The following ACTL8 variants were observed in gnomAD, a reference collection of about 807,000 sequenced individuals.
ACTL8 encodes actin-like protein 8.
Under a neutral mutation model 9.3 loss-of-function variants are expected in ACTL8, and 3 were observed. The ratio of observed to expected loss-of-function variants is 0.32; its 90% CI spans 0.15 to 0.83. The LOEUF (loss-of-function observed/expected upper bound fraction) is 0.83. ACTL8 is among the 40% of genes least tolerant of loss of function. The pLI is 0.57. For missense variants in ACTL8, 381 were observed against 492.2 expected (o/e 0.77, Z 2.14); for synonymous variants, 224 against 205.9 (o/e 1.09, Z -0.75).
chr1:17,804,601 C>T (rs1425811303), intron 1 of ACTL8, among the ~76,000 whole-genome samples: 1 of 151,896 alleles, frequency 6.6e-6, no homozygotes, highest in African/African-American at 2.4e-5. Flanking sequence ...CATCTTTGTC[C>T]CCATCTTTTT....
intron 1 of ACTL8, among the ~76,000 whole-genome samples, chr1:17,796,952 C>T (rs1255403326): frequency 6.6e-6 from 1 of 152,224 alleles, no homozygotes; most frequent in African/African-American, 2.4e-5. Context: ...GAAGTCTGCT[C>T]TCTGCTCTGG....
intron 1 of ACTL8, among the ~76,000 whole-genome samples, chr1:17,777,801 C>G (rs1239599895): frequency 1.3e-5 from 2 of 152,164 alleles, no homozygotes; most frequent in African/African-American, 4.8e-5. Context: ...GGAGTTCAAG[C>G]GATTCTTCTG....
intron 1 of ACTL8, among the ~76,000 whole-genome samples, chr1:17,815,944 C>G (rs912503154): frequency 4.4e-4 from 67 of 152,038 alleles, no homozygotes; most frequent in Non-Finnish European, 1.0e-4. Context: ...TGGAGCAGAA[C>G]TTTTCTTTGT....
intron 1 of ACTL8, among the ~76,000 whole-genome samples, chr1:17,762,789 G>A (rs1254469627): frequency 6.6e-6 from 1 of 152,106 alleles, no homozygotes; most frequent in Non-Finnish European, 1.5e-5. Context: ...CTTGTTCCCC[G>A]GTGACTCCTG....
chr1:17,826,027 A>G lies in ACTL8; in HGVS notation c.609A>G (p.Thr203=), dbSNP rs1557450703. The G allele has an allele frequency of 1.9e-6, 3 of 1,606,614 alleles. No homozygotes were observed. The highest frequency in any genetic ancestry group is 2.5e-6 in the Non-Finnish European group (3 of 1,179,974). The part of the protein sequence containing the change: ...CDRRCLFQLE[T]VAVTQMNKCY... Reference sequence around the variant, plus strand: ...GACGCTGCCTGTTTCAGCTGGAGACAGTCGCCGTGACTCAGATGAACAAGT... The same window carrying G: ...GACGCTGCCTGTTTCAGCTGGAGACGGTCGCCGTGACTCAGATGAACAAGT... The change falls in exon 3 of 3, where the codon ACA becomes ACG. Residue 203 remains threonine, a synonymous_variant. Transcript: ENST00000375406. This position sits in a 1 kb window ranked among gnomAD's most constrained non-coding sequence, Gnocchi z 4.5.
chr1:17,789,753 AGAG>A (rs1219807360), intron 1 of ACTL8, among the ~76,000 whole-genome samples: 1 of 152,126 alleles, frequency 6.6e-6, no homozygotes, highest in Non-Finnish European at 1.5e-5. Context: ...GTTTGTGCCT[AGAG>A]GTGGGAGAAA....
rs184589100 is a variant in ACTL8 at position 17,793,022 on chromosome 1, C to T, written c.-24-29963C>T. 1.2e-3 allele frequency among the ~76,000 whole-genome samples: 187 copies of T among 152,282 alleles called. 1 individual carries two copies. Among genetic ancestry groups the T allele is most frequent in the African/African-American group, 4.3e-3 (177 of 41,574 alleles). The stretch of plus-strand genomic sequence containing the variant: ...TGCCCTGGGAGAGAGAAAGCAGGGG[C>T]GGGACAGTTGGTCCCCTCCCATCCA... On this transcript the variant is annotated intron_variant, in intron 1 of 2. Coordinates refer to ENST00000375406, the MANE Select transcript of ACTL8 (RefSeq NM_030812.3).
At chr1:17,760,411 C>A (rs1238064631) in intron 1 of ACTL8, among the ~76,000 whole-genome samples, 1 of 152,136 alleles carries the variant, frequency 6.6e-6, no homozygotes, top group African/African-American at 2.4e-5. Flanking sequence ...ATGGGTTTTT[C>A]ACAGGCGTGC....
rs2066052104 is a variant in ACTL8, at chr1:17,767,376, C to T, written c.-25+11872C>T. Among the ~76,000 whole-genome samples the T allele has an allele frequency of 6.6e-6, 1 of 152,168 alleles. No homozygotes were observed. The highest frequency in any genetic ancestry group is 6.5e-5 in the Admixed American group (1 of 15,280). On this transcript the variant is annotated intron_variant, in intron 1 of 2. Transcript: ENST00000375406. The surrounding 1 kb of genome is among the most constrained non-coding windows in gnomAD (Gnocchi z 4.7). ...CAGTGTGGGGGCCGTCCCTGTGGTACAGGGGTGAGACGATGCTGGCAACTT... is the reference window on the plus strand; with the variant it reads ...CAGTGTGGGGGCCGTCCCTGTGGTATAGGGGTGAGACGATGCTGGCAACTT...
chr1:17,789,950 A>G (rs2066225925), intron 1 of ACTL8, among the ~76,000 whole-genome samples: 2 of 152,218 alleles, frequency 1.3e-5, no homozygotes, highest in Admixed American at 1.3e-4. Context: ...CACTTGGCTC[A>G]TGCCACTGGC....
intron 1 of ACTL8, among the ~76,000 whole-genome samples, chr1:17,804,682 A>C (rs898849376): frequency 2.7e-5 from 4 of 150,572 alleles, no homozygotes; most frequent in African/African-American, 9.8e-5. Flanking sequence ...ATCTCGGCTC[A>C]CTGCAACCTC....
rs146680452 is a variant in ACTL8 at position 17,767,176 on chromosome 1, G to A, written c.-25+11672G>A. Among the ~76,000 whole-genome samples the A allele has an allele frequency of 5.9e-5, 9 of 152,268 alleles. No individual in the cohort carries two copies. The highest frequency in any genetic ancestry group is 4.2e-4 in the South Asian group (2 of 4,812). ...GAAGGGGTTCCAGGCAGAGAGCAGC[G>A]TCTGCAAAGGCCCTGCGGTGGGACT... On this transcript the variant is annotated intron_variant, in intron 1 of 2. Transcript: ENST00000375406. This position sits in a 1 kb window ranked among gnomAD's most constrained non-coding sequence, Gnocchi z 4.7.
chr1:17,789,128 A>G (rs2066219824), intron 1 of ACTL8, among the ~76,000 whole-genome samples: 1 of 152,234 alleles, frequency 6.6e-6, no homozygotes. Flanking sequence ...TTAATTATAA[A>G]CAAATATGTA....
rs112339257 is a variant in ACTL8 at position 17,757,000 on chromosome 1, C to T, written c.-25+1496C>T. ...CAGGCCGGGCACAGGCATGGTGGCT[C>T]AGGCCTTTAATCCCAACACTTTGGG... On this transcript the variant is annotated intron_variant, in intron 1 of 2. Transcript: ENST00000375406. 5.9e-4 allele frequency among the ~76,000 whole-genome samples: 90 copies of T among 152,260 alleles called. 2 individuals carry two copies. The highest frequency in any genetic ancestry group is 7.8e-4 in the Admixed American group (12 of 15,298).
chr1:17,772,632 G>C (rs989349437), intron 1 of ACTL8, among the ~76,000 whole-genome samples: 1 of 152,234 alleles, frequency 6.6e-6, no homozygotes, highest in African/African-American at 2.4e-5. Flanking sequence ...GAGCCCAATA[G>C]TGGTGGGAAG....
chr1:17,796,306 C>CTG (rs3063168), intron 1 of ACTL8, among the ~76,000 whole-genome samples: 22,102 of 147,180 alleles, frequency 0.15, 1,778 homozygotes, highest in East Asian at 0.35. Flanking sequence ...ATGCGTGCAC[C>CTG]TGTGTGTGTG....
chr1:17,761,447 C>T (rs2066002409), intron 1 of ACTL8, among the ~76,000 whole-genome samples: 1 of 152,138 alleles, frequency 6.6e-6, no homozygotes, highest in South Asian at 2.1e-4. Context: ...CTCTTGTTGG[C>T]ACAGACTCTG....
chr1:17,823,460 C>A lies in ACTL8; in HGVS notation c.348+104C>A. ...AATTCTGCTTTTTAAGATAAATTGC[C>A]AACCAGGTGTGGTGGCTTATGCCTG... On this transcript the variant is annotated intron_variant, in intron 2 of 2. Coordinates refer to ENST00000375406, the MANE Select transcript of ACTL8 (RefSeq NM_030812.3). This position sits in a 1 kb window ranked among gnomAD's most constrained non-coding sequence, Gnocchi z 5.3. The A allele has an allele frequency of 2.6e-6, 3 of 1,166,424 alleles. No individual in the cohort carries two copies. The highest frequency in any genetic ancestry group is 2.4e-6 in the Non-Finnish European group (2 of 844,268). The allele number at this position is 1,166,424 out of a possible 1,614,324, so 72.3% of individuals were successfully genotyped here.
intron 1 of ACTL8, among the ~76,000 whole-genome samples, chr1:17,774,319 G>A (rs2066103453): frequency 6.6e-6 from 1 of 152,120 alleles, no homozygotes; most frequent in Non-Finnish European, 1.5e-5. Flanking sequence ...ACGCTGGGGG[G>A]TGGGGGCGGG....
Sources: allele counts gnomAD v4.1 joint callset (sites outside exome capture counted in the v4.1 genomes callset), GRCh38; gene constraint gnomAD v4.1.1; non-coding constraint Gnocchi (gnomAD v3.1); transcripts MANE v1.5; gene names NCBI Gene and HGNC (gene_info 2026-07-23, HGNC 2026-07-21).